Variants in TENM2 observed in about 807,000 individuals in gnomAD.
TENM2 encodes teneurin transmembrane protein 2.
In TENM2, 52 loss-of-function variants were observed where a neutral mutation model predicts 245.2. The ratio of observed to expected loss-of-function variants is 0.21; its 90% CI spans 0.17 to 0.27. TENM2 has a LOEUF of 0.27. Ranked by LOEUF, TENM2 falls within the 10% of genes least tolerant of loss-of-function variation. The pLI is 1.00. For synonymous variants in TENM2, 1,363 were observed against 1,438.9 expected, an observed-to-expected ratio of 0.95 and a Z score of 1.19; for missense variants, 3,046 against 3,666.8, an observed-to-expected ratio of 0.83 and a Z score of 4.37.
intron 6 of TENM2, among the ~76,000 whole-genome samples, chr5:168,054,213 G>A (rs1439191989): frequency 6.6e-6 from 1 of 152,216 alleles, no homozygotes; most frequent in East Asian, 1.9e-4. Flanking sequence ...ATTGTGTGAT[G>A]TTGTGAACAC....
At chr5:167,204,928 A>G in the TENM2 span, among the ~76,000 whole-genome samples, 1 of 152,220 alleles carries the variant, frequency 6.6e-6, no homozygotes, top group Non-Finnish European at 1.5e-5. Context: ...TGACTTTGCC[A>G]CTAATTACTT....
chr5:167,829,703 A>C (rs774130220), intron 2 of TENM2, among the ~76,000 whole-genome samples: 8 of 152,186 alleles, frequency 5.3e-5, no homozygotes, highest in Non-Finnish European at 8.8e-5. Context: ...AGATGAGAAA[A>C]CTGAGGCACA....
At chr5:167,332,798 A>G (rs1184320787) in intron 1 of TENM2, among the ~76,000 whole-genome samples, 1 of 152,212 alleles carries the variant, frequency 6.6e-6, no homozygotes, top group African/African-American at 2.4e-5. Context: ...TGATTCCGTT[A>G]GTTATCTTGT....
chr5:167,680,249 AG>A (rs1041056136), intron 2 of TENM2, among the ~76,000 whole-genome samples: 4 of 151,998 alleles, frequency 2.6e-5, no homozygotes, highest in African/African-American at 9.7e-5. Context: ...ATGGACTTTC[AG>A]AAAAAAAATA....
chr5:168,146,103 G>A (rs535116293), intron 12 of TENM2, among the ~76,000 whole-genome samples: 2 of 150,600 alleles, frequency 1.3e-5, no homozygotes, highest in East Asian at 1.9e-4. Context: ...GGTTTTCTAG[G>A]TATACAATCA....
chr5:167,834,899 C>A (rs192461522), intron 2 of TENM2, among the ~76,000 whole-genome samples: 12 of 152,270 alleles, frequency 7.9e-5, no homozygotes, highest in African/African-American at 2.9e-4. Context: ...ATCCGCCCGC[C>A]TCGGCCTCCC....
chr5:167,807,637 A>G (rs200667260), intron 2 of TENM2, among the ~76,000 whole-genome samples: 2 of 137,186 alleles, frequency 1.5e-5, no homozygotes, highest in East Asian at 2.0e-4. Context: ...AAAAAAAAAA[A>G]AAGAGACAGA....
At chr5:167,798,073 A>G (rs1252460283) in intron 2 of TENM2, among the ~76,000 whole-genome samples, 1 of 152,234 alleles carries the variant, frequency 6.6e-6, no homozygotes, top group Admixed American at 6.5e-5. Flanking sequence ...TCAATGACTC[A>G]TCCTGATAGT....
At chr5:167,483,176 T>C (rs1164143631) in intron 2 of TENM2, among the ~76,000 whole-genome samples, 1 of 152,220 alleles carries the variant, frequency 6.6e-6, no homozygotes, top group African/African-American at 2.4e-5. Flanking sequence ...TGTAAAACAC[T>C]TAGCCCAGCC....
intron 2 of TENM2, among the ~76,000 whole-genome samples, chr5:167,613,022 C>T (rs900302060): frequency 1.3e-5 from 2 of 152,086 alleles, no homozygotes; most frequent in African/African-American, 2.4e-5. Flanking sequence ...GGTAAAGACA[C>T]GCATGGAAGA....
intron 2 of TENM2, among the ~76,000 whole-genome samples, chr5:167,813,387 GCACA>G (rs142804283): frequency 0.031 from 4,442 of 145,454 alleles, 196 homozygotes; most frequent in African/African-American, 0.1. Context: ...TACAAGTTCT[GCACA>G]CACACACACA....
chr5:167,168,259 G>A, the TENM2 span: 1 of 152,218 alleles, frequency 6.6e-6, no homozygotes, highest in Non-Finnish European at 1.5e-5. Context: ...TCACGGCTGA[G>A]GTCAAACGTC....
At chr5:167,646,567 T>C (rs1209698322) in intron 2 of TENM2, among the ~76,000 whole-genome samples, 1 of 151,918 alleles carries the variant, frequency 6.6e-6, no homozygotes, top group Non-Finnish European at 1.5e-5. Flanking sequence ...AATTTTTTCT[T>C]GGTGGCGATC....
chr5:167,266,169 A>G, the TENM2 span, among the ~76,000 whole-genome samples: 6 of 152,188 alleles, frequency 3.9e-5, no homozygotes, highest in Admixed American at 3.9e-4. Context: ...CATAATTGTG[A>G]GATTGCGAAT....
chr5:167,149,415 CATA>C, the TENM2 span, among the ~76,000 whole-genome samples: 540 of 152,020 alleles, frequency 3.6e-3, 3 homozygotes, highest in African/African-American at 0.012. Flanking sequence ...TGTGCCTCTA[CATA>C]ATATTATGTG....
intron 9 of TENM2, among the ~76,000 whole-genome samples, chr5:168,110,800 A>G (rs773522486): frequency 1.3e-5 from 2 of 151,500 alleles, no homozygotes; most frequent in Non-Finnish European, 2.9e-5. Flanking sequence ...ACACACATAC[A>G]CACACAAAAA....
intron 5 of TENM2, among the ~76,000 whole-genome samples, chr5:168,022,159 A>G (rs1786207469): frequency 6.6e-6 from 1 of 152,242 alleles, no homozygotes; most frequent in African/African-American, 2.4e-5. Context: ...CCAAATATTC[A>G]TTAAGCACCA....
intron 2 of TENM2, among the ~76,000 whole-genome samples, chr5:167,761,080 C>G (rs1279106147): frequency 6.6e-6 from 1 of 152,146 alleles, no homozygotes; most frequent in Non-Finnish European, 1.5e-5. Flanking sequence ...CTTCTCCTAT[C>G]TAAACTTTCT....
At chr5:168,219,350 G>T (rs1265654772) in intron 23 of TENM2, among the ~76,000 whole-genome samples, 1 of 152,136 alleles carries the variant, frequency 6.6e-6, no homozygotes, top group African/African-American at 2.4e-5. Context: ...AATCTAAAAG[G>T]CAAGATCCCA....
Sources: allele counts gnomAD v4.1 joint callset (sites outside exome capture counted in the v4.1 genomes callset), GRCh38; gene constraint gnomAD v4.1.1; transcripts MANE v1.5; gene names NCBI Gene and HGNC (gene_info 2026-07-23, HGNC 2026-07-21).